The following RAF1 variants were observed in gnomAD, a reference collection of about 807,000 sequenced individuals.
RAF1 encodes the protein Raf-1 proto-oncogene, serine/threonine kinase, also known as RAF proto-oncogene serine/threonine-protein kinase.
In RAF1, 27 loss-of-function variants were observed where a neutral mutation model predicts 81.1. The observed-to-expected ratio is 0.33, with a 90% confidence interval of 0.25 to 0.46. The LOEUF (loss-of-function observed/expected upper bound fraction) is 0.46. Among genes scored for constraint, RAF1 ranks in the 20% least tolerant of loss-of-function variants. The pLI is 1.00. For synonymous variants in RAF1, 298 were observed against 294.0 expected, an observed-to-expected ratio of 1.01 and a Z score of -0.14; for missense variants, 598 against 826.0, an observed-to-expected ratio of 0.72 and a Z score of 3.38.
intron 13 of RAF1, 124 bp from the exon 13 acceptor site, chr3:12,587,761 T>A: frequency 7.6e-6 from 6 of 794,652 alleles, no homozygotes; most frequent in Non-Finnish European, 1.3e-5. Flanking sequence ...CACACAGGGA[T>A]AGACCCTGTG....
intron 1 of RAF1, among the ~76,000 whole-genome samples, chr3:12,662,814 A>G (rs1259882265): frequency 6.6e-6 from 1 of 152,050 alleles, no homozygotes; most frequent in Admixed American, 6.6e-5. Flanking sequence ...CTAAATCCCC[A>G]TAACACTTGA....
intron 13 of RAF1, 200 bp from the exon 13 acceptor site, chr3:12,587,837 C>CTTTTTTTTTTTTTTTTTT (rs374515740): frequency 9.8e-5 from 19 of 194,690 alleles, no homozygotes; most frequent in South Asian, 3.8e-4. Context: ...ATGCTTACAC[C>CTTTTTTTTTTTTTTTTTT]TTTTTTTTTT....
chr3:12,641,491 T>G (rs9842787), intron 1 of RAF1, among the ~76,000 whole-genome samples: 28,603 of 126,516 alleles, frequency 0.23, 2,900 homozygotes, highest in African/African-American at 0.32. Context: ...TGTTTTTTGG[T>G]TTTTTTTTTT....
chr3:12,641,628 A>G (rs1575649310), intron 1 of RAF1, among the ~76,000 whole-genome samples: 1 of 151,286 alleles, frequency 6.6e-6, no homozygotes, highest in East Asian at 2.0e-4. Flanking sequence ...AGCAGTTGGG[A>G]CCACAGGCAT....
intron 1 of RAF1, among the ~76,000 whole-genome samples, chr3:12,648,434 T>TA (rs1269178876): frequency 6.6e-6 from 1 of 151,996 alleles, no homozygotes; most frequent in Non-Finnish European, 1.5e-5. Flanking sequence ...AACAAGTGGT[T>TA]AAAAAAAATT....
rs555781462 is a variant in RAF1 at position 12,590,813 on chromosome 3, G to A, written c.1415C>T (p.Thr472Met). 1.7e-5 allele frequency: 27 copies of A among 1,613,458 alleles called. No homozygotes were observed. In the South Asian group the frequency reaches 2.0e-4, roughly 12 times the overall value. The change falls in exon 13 of 18, where the codon ACG becomes ATG. Residue 472 changes from threonine to methionine, a missense_variant. This residue lies in a region of RAF1 where 85 missense variants were observed against 185.6 expected (regional missense o/e 0.46). Transcript: ENST00000442415. ...ATCTACTCACTCCATTCCCTGAGCC[G>A]TCTGCCGGGCAATGTCAATTAGCTG...
intron 1 of RAF1, among the ~76,000 whole-genome samples, chr3:12,650,747 T>C (rs2060498248): frequency 6.6e-6 from 1 of 152,186 alleles, no homozygotes; most frequent in Admixed American, 6.6e-5. Context: ...AAAAATTGAA[T>C]ATGTGCTAGG....
intron 1 of RAF1, among the ~76,000 whole-genome samples, chr3:12,657,915 C>CTGT: frequency 6.6e-6 from 1 of 151,684 alleles, no homozygotes; most frequent in South Asian, 2.1e-4. Flanking sequence ...CAGTCACTGA[C>CTGT]CATTCCCTAC....
At chr3:12,638,957 T>C (rs1394631316) in intron 1 of RAF1, among the ~76,000 whole-genome samples, 10 of 152,206 alleles carry the variant, frequency 6.6e-5, no homozygotes, top group African/African-American at 2.4e-4. Context: ...ATTACGTTTA[T>C]TGATTTGCAT....
chr3:12,627,009 G>A (rs1241248098), intron 1 of RAF1, among the ~76,000 whole-genome samples: 6 of 137,970 alleles, frequency 4.3e-5, no homozygotes, highest in South Asian at 4.5e-4. Flanking sequence ...GGGTGACAGC[G>A]AGACTCTGTC....
intron 11 of RAF1, among the ~76,000 whole-genome samples, chr3:12,595,470 C>T (rs1559413800): frequency 6.6e-6 from 1 of 152,166 alleles, no homozygotes; most frequent in African/African-American, 2.4e-5. Flanking sequence ...AAAGGCTTGC[C>T]AAACCTCCTA....
intron 8 of RAF1, among the ~76,000 whole-genome samples, chr3:12,601,451 A>G (rs1048028971): frequency 1.3e-5 from 2 of 152,200 alleles, no homozygotes; most frequent in African/African-American, 4.8e-5. Context: ...AGAGGGCTCT[A>G]TGAGACCTAA....
At position 12,664,016 on chromosome 3, in the gene RAF1, C is replaced by T; in HGVS notation, c.-230G>A. On this transcript the variant is annotated 5_prime_UTR_variant, in exon 1 of 18. Transcript: ENST00000442415. The stretch of plus-strand genomic sequence containing the variant: ...GCGCCCCAAAGCCCGGCCAGCTGAC[C>T]CTTTTCGGGGCCCAAAAAAGGCAGC... 1 of 398,580 alleles carries T rather than the reference C, an allele frequency of 2.5e-6. No individual in the cohort carries two copies. The highest frequency in any genetic ancestry group is 4.4e-5 in the Admixed American group (1 of 22,738). 24.7% of individuals were successfully genotyped at this position (398,580 alleles called of 1,614,324 possible). A position where few individuals can be genotyped will look rare whatever the true frequency, so the allele number is the denominator to read the frequency against.
At chr3:12,603,832 C>T (rs187529123) in intron 7 of RAF1, among the ~76,000 whole-genome samples, 2 of 152,320 alleles carry the variant, frequency 1.3e-5, no homozygotes, top group African/African-American at 2.4e-5. Flanking sequence ...CACACCAAAA[C>T]TAAACTGCTC....
Position 12,613,751 on chromosome 3 carries a change from A to G in RAF1, c.208-1689T>C, listed in dbSNP as rs2059289541. Among the ~76,000 whole-genome samples, 3 of 152,254 alleles carry G rather than the reference A, an allele frequency of 2.0e-5. No homozygotes were observed. In the South Asian group the frequency reaches 6.2e-4, roughly 31 times the overall value. ...TAAGCATAAGGAATTTGAAAACATC[A>G]GAGAGGGGCAACGTAAGAAGTTTTT... On this transcript the variant is annotated intron_variant, in intron 2 of 17. Transcript: ENST00000442415.
intron 14 of RAF1, chr3:12,586,872 G>C (rs2058349287): frequency 6.6e-6 from 1 of 152,160 alleles, no homozygotes; most frequent in South Asian, 2.1e-4. Context: ...GCCTTGCTCT[G>C]TCCCCAAGGC....
intron 2 of RAF1, among the ~76,000 whole-genome samples, chr3:12,616,996 G>A (rs1338774071): frequency 6.6e-6 from 1 of 152,154 alleles, no homozygotes; most frequent in African/African-American, 2.4e-5. Flanking sequence ...GTGAAGTGGT[G>A]CAATCTCAGC....
chr3:12,642,076 A>C (rs2060204024), intron 1 of RAF1, among the ~76,000 whole-genome samples: 1 of 152,078 alleles, frequency 6.6e-6, no homozygotes. Flanking sequence ...TGAACCCAGG[A>C]GGCAGTGGTT....
intron 11 of RAF1, 139 bp downstream of exon 10, chr3:12,599,552 A>T (rs1475285510): frequency 1.5e-6 from 1 of 682,066 alleles, no homozygotes; most frequent in Non-Finnish European, 2.7e-6. Context: ...TTCAATCTTC[A>T]GGTATAATCA....
Sources: allele counts gnomAD v4.1 joint callset (sites outside exome capture counted in the v4.1 genomes callset), GRCh38; gene constraint gnomAD v4.1.1; regional missense constraint gnomAD v4.1.1; transcripts MANE v1.5; gene names NCBI Gene and HGNC (gene_info 2026-07-23, HGNC 2026-07-21).